The following FANCC variants were observed in gnomAD, a reference collection of about 807,000 sequenced individuals.
FANCC encodes FA complementation group C.
A neutral mutation model predicts 71.3 loss-of-function variants in FANCC; 55 were observed. That is an observed-to-expected ratio of 0.77 (90% confidence interval 0.62 to 0.97). The LOEUF (loss-of-function observed/expected upper bound fraction) is 0.97. FANCC is among the 50% of genes least tolerant of loss of function. The pLI, the probability that FANCC is intolerant of heterozygous loss-of-function variation, is 0.00. For missense variants in FANCC, 678 were observed against 670.9 expected (o/e 1.01, Z -0.12); for synonymous variants, 275 against 244.9 (o/e 1.12, Z -1.15).
At chr9:95,107,426 AC>A in intron 13 of FANCC, 157 bp from the exon 14 acceptor site, 1 of 760,768 alleles carries the variant, frequency 1.3e-6, no homozygotes, top group Admixed American at 2.1e-5. Context: ...ACTCGATTTC[AC>A]ACAAACCCAA....
At chr9:95,204,233 A>G (rs1194142489) in intron 4 of FANCC, among the ~76,000 whole-genome samples, 1 of 152,244 alleles carries the variant, frequency 6.6e-6, no homozygotes, top group Non-Finnish European at 1.5e-5. Context: ...AACAATACAT[A>G]GAACATTTAG....
intron 1 of FANCC, among the ~76,000 whole-genome samples, chr9:95,256,402 A>C (rs1292335054): frequency 6.6e-6 from 1 of 152,216 alleles, no homozygotes; most frequent in Non-Finnish European, 1.5e-5. Flanking sequence ...ATTCTTAAAG[A>C]ATTTTCAACC....
intron 4 of FANCC, among the ~76,000 whole-genome samples, chr9:95,182,364 C>G (rs1826428013): frequency 6.6e-6 from 1 of 151,850 alleles, no homozygotes. Flanking sequence ...ACTAAAAATA[C>G]AAAAAATTAG....
intron 3 of FANCC, among the ~76,000 whole-genome samples, chr9:95,242,545 A>C (rs1018408130): frequency 2.6e-5 from 4 of 152,010 alleles, no homozygotes; most frequent in Admixed American, 1.3e-4. Context: ...TAAATCTAAA[A>C]GAATACCCAA....
At chr9:95,294,541 T>C in intron 1 of FANCC, 1 of 1,547,236 alleles carries the variant, frequency 6.5e-7, no homozygotes, top group Non-Finnish European at 8.9e-7. Flanking sequence ...GAGTACTGAT[T>C]CATCTGACAC....
In FANCC at chr9:95,307,204, C is replaced by T. The variant is rs147718046; in HGVS notation, c.-79+10322G>A. 5.9e-4 allele frequency among the ~76,000 whole-genome samples: 89 copies of T among 152,046 alleles called. 1 individual carries two copies. The highest frequency in any genetic ancestry group is 2.1e-3 in the African/African-American group (86 of 41,460). Reference sequence around the variant, plus strand: ...TTCTTTTTTTAAAATGCCTATCTTACCTTAGCACATATGGTTATTGTGAGA... The same window carrying T: ...TTCTTTTTTTAAAATGCCTATCTTATCTTAGCACATATGGTTATTGTGAGA... On this transcript the variant is annotated intron_variant, in intron 1 of 14. Transcript: ENST00000289081.
intron 4 of FANCC, among the ~76,000 whole-genome samples, chr9:95,204,861 G>A (rs971280445): frequency 1.3e-5 from 2 of 152,118 alleles, no homozygotes; most frequent in African/African-American, 2.4e-5. Context: ...TCAAACACCC[G>A]ATGGCTCCCC....
intron 8 of FANCC, among the ~76,000 whole-genome samples, chr9:95,128,397 T>C (rs1019471606): frequency 2.0e-5 from 3 of 152,222 alleles, no homozygotes; most frequent in Admixed American, 6.5e-5. Flanking sequence ...TGGAAATGCG[T>C]TGATAGAAAG....
chr9:95,168,097 TA>T (rs768806851), intron 6 of FANCC, among the ~76,000 whole-genome samples: 62 of 152,178 alleles, frequency 4.1e-4, no homozygotes, highest in Non-Finnish European at 1.8e-4. Flanking sequence ...CAAGAGCTCC[TA>T]ATCTTCCCCT....
intron 14 of FANCC, among the ~76,000 whole-genome samples, chr9:95,106,826 G>A (rs757089285): frequency 7.9e-5 from 12 of 152,168 alleles, no homozygotes; most frequent in South Asian, 2.1e-4. Context: ...GCAGCAAGCC[G>A]TGGGCCCAGG....
intron 6 of FANCC, among the ~76,000 whole-genome samples, chr9:95,154,676 G>C (rs144642416): frequency 2.0e-3 from 305 of 151,510 alleles, no homozygotes; most frequent in Non-Finnish European, 3.2e-3. Context: ...ATGGCAGGAA[G>C]AATCTACACC....
At chr9:95,130,502 T>A (rs1826731004) in intron 8 of FANCC, among the ~76,000 whole-genome samples, 1 of 152,268 alleles carries the variant, frequency 6.6e-6, no homozygotes, top group East Asian at 1.9e-4. Context: ...GCCTTAAAAA[T>A]AAAGAAGGAA....
Position 95,171,106 on chromosome 9 carries a change from T to C in FANCC, c.494A>G (p.His165Arg), listed in dbSNP as rs568974136. 2.5e-6 allele frequency: 4 copies of C among 1,613,630 alleles called. No homozygotes were observed. The highest frequency in any genetic ancestry group is 2.2e-5 in the East Asian group (1 of 44,836). Residue 165 changes from histidine (H) to arginine (R), a missense_variant, in exon 6 of 15, where the codon CAT becomes CGT. Transcript: ENST00000289081. ...CCTTTGAGTGTTAAATCCATTAAGA[T>C]GATTCTCTCTGAGTTCAGACGCTAA... ...LSLASELRENHLNGFNTQRRM... is the reference protein window; with the variant it reads ...LSLASELRENRLNGFNTQRRM...
chr9:95,205,740 A>G (rs1828083199), intron 4 of FANCC, among the ~76,000 whole-genome samples: 1 of 152,162 alleles, frequency 6.6e-6, no homozygotes, highest in South Asian at 2.1e-4. Flanking sequence ...ATCAATATTC[A>G]TTAACATTAA....
intron 1 of FANCC, chr9:95,294,109 TTAAG>T (rs1834231761): frequency 6.2e-7 from 1 of 1,610,394 alleles, no homozygotes; most frequent in African/African-American, 1.3e-5. Context: ...CATAGATTTA[TTAAG>T]TGATTTGGAA....
At chr9:95,239,086 T>G (rs1830490183) in intron 4 of FANCC, among the ~76,000 whole-genome samples, 1 of 152,168 alleles carries the variant, frequency 6.6e-6, no homozygotes, top group South Asian at 2.1e-4. Flanking sequence ...GACAGGAATA[T>G]TCTCCCTAAC....
rs3831244 is a variant in FANCC at position 95,135,494 on chromosome 9, ATCT to A, written c.692_694del (p.Lys231del). 3.1e-5 allele frequency: 50 copies of A among 1,613,900 alleles called. No individual in the cohort carries two copies. The highest frequency in any genetic ancestry group is 4.0e-5 in the African/African-American group (3 of 74,936). ...GACTACAGCTGACATGGGGAGAGAAATCTTCTTCCTTTCAGAAAGAAATAAACA... is the reference window on the plus strand; with the variant it reads ...GACTACAGCTGACATGGGGAGAGAAATCTTCCTTTCAGAAAGAAATAAACA... On this transcript the variant is annotated inframe_deletion, in exon 8 of 15. Transcript: ENST00000289081.
chr9:95,168,185 A>C (rs995573073), intron 6 of FANCC, among the ~76,000 whole-genome samples: 2 of 152,162 alleles, frequency 1.3e-5, no homozygotes, highest in Non-Finnish European at 2.9e-5. Context: ...GTTCCAAACT[A>C]CGCCATTTCT....
chr9:95,205,398 T>G (rs1828061792), intron 4 of FANCC, among the ~76,000 whole-genome samples: 1 of 152,126 alleles, frequency 6.6e-6, no homozygotes, highest in African/African-American at 2.4e-5. Flanking sequence ...ACTTGACAAC[T>G]GTCTTTAATT....
Sources: allele counts gnomAD v4.1 joint callset (sites outside exome capture counted in the v4.1 genomes callset), GRCh38; gene constraint gnomAD v4.1.1; transcripts MANE v1.5; gene names NCBI Gene and HGNC (gene_info 2026-07-23, HGNC 2026-07-21).